Variants in MADD observed in about 807,000 individuals in gnomAD.
MADD encodes the protein MAP kinase activating death domain, also known as MAP kinase-activating death domain protein.
A neutral mutation model predicts 176.7 loss-of-function variants in MADD; 109 were observed. The ratio of observed to expected loss-of-function variants is 0.62; its 90% CI spans 0.53 to 0.72. MADD has a LOEUF of 0.72. MADD is among the 30% of genes least tolerant of loss of function. The probability of loss-of-function intolerance (pLI) is 0.00; values close to 1 mark genes in which losing one functional copy is unlikely to be tolerated. For missense variants in MADD, 1,914 were observed against 2,045.5 expected (o/e 0.94, Z 1.24); for synonymous variants, 771 against 771.3 (o/e 1.00, Z 0.01).
exon 15 of MADD, chr11:47,286,437 C>A (rs1343524180): frequency 6.2e-7 from 1 of 1,613,178 alleles, no homozygotes; most frequent in Non-Finnish European, 8.5e-7. Flanking sequence ...TGATAGGCAG[C>A]CTCTATCGGA....
chr11:47,295,468 C>T (rs777301034), intron 20 of MADD, 28 bp from the exon 23 acceptor site: 4 of 1,568,866 alleles, frequency 2.5e-6, no homozygotes, highest in Middle Eastern at 1.7e-4. Flanking sequence ...TTGGACACCT[C>T]CCCTAATGTT....
exon 11 of MADD, chr11:47,284,223 C>T: frequency 6.2e-7 from 1 of 1,614,148 alleles, no homozygotes; most frequent in Non-Finnish European, 8.5e-7. Context: ...CTTCTTACTC[C>T]TCCCTTGGTG....
intron 19 of MADD, 131 bp from the exon 22 acceptor site, chr11:47,293,752 G>C: frequency 1.6e-6 from 1 of 630,014 alleles, no homozygotes; most frequent in Non-Finnish European, 2.9e-6. Flanking sequence ...CCTGAGTGGG[G>C]GGTAGTCCTT....
intron 3 of MADD, 74 bp from the exon 4 acceptor site, chr11:47,275,825 G>A (rs2049285583): frequency 7.2e-7 from 1 of 1,382,306 alleles, no homozygotes; most frequent in South Asian, 1.3e-5. Context: ...TAGAGCCTCT[G>A]TGGTGATACT....
Position 47,273,896 on chromosome 11 carries a change from A to G in MADD, c.-19A>G, listed in dbSNP as rs1385912591. 6.2e-7 allele frequency: 1 copy of G among 1,612,244 alleles called. No individual in the cohort carries two copies. The highest frequency in any genetic ancestry group is 8.5e-7 in the Non-Finnish European group (1 of 1,178,346). ...TGGTGCCCTGATGCTTCTCTGAGAT[A>G]AACTGATGAATTGGAACCATGGTGC... On this transcript the variant is annotated 5_prime_UTR_variant, in exon 2 of 33. It adds an upstream start codon to the 5' untranslated region. Coordinates refer to ENST00000402192, the Ensembl canonical transcript of MADD.
intron 27 of MADD, 122 bp downstream of exon 30, chr11:47,315,449 A>C (rs1234791558): frequency 6.9e-6 from 4 of 578,764 alleles, no homozygotes; most frequent in Non-Finnish European, 1.2e-5. Context: ...TTTATCATTA[A>C]ATTATCAGAT....
At chr11:47,317,354 A>T (rs533319656) in intron 27 of MADD, among the ~76,000 whole-genome samples, 14 of 152,346 alleles carry the variant, frequency 9.2e-5, no homozygotes, top group African/African-American at 3.1e-4. Context: ...TTGCTGGGTC[A>T]GAGGGACAAT....
chr11:47,285,398 C>A (rs2059923121), intron 13 of MADD, 53 bp from the exon 14 acceptor site: 17 of 1,610,646 alleles, frequency 1.1e-5, no homozygotes, highest in African/African-American at 2.7e-5. Flanking sequence ...GGCCCATACT[C>A]CCAAGATCAG....
At chr11:47,289,801 G>C in intron 16 of MADD, 66 bp from the exon 18 acceptor site, 1 of 1,560,612 alleles carries the variant, frequency 6.4e-7, no homozygotes, top group Non-Finnish European at 8.8e-7. Context: ...ATCTAGTCTG[G>C]GTGAAAGGTG....
intron 32 of MADD, 29 bp from the exon 37 acceptor site, chr11:47,329,017 C>T (rs780422609): frequency 1.2e-5 from 19 of 1,535,220 alleles, no homozygotes; most frequent in African/African-American, 6.8e-5. Flanking sequence ...GTCTCAGTAT[C>T]GTGATCCGCC....
At chr11:47,323,307 G>GAGGCAGGAAGAACCTGGCA (rs1366319382) in intron 27 of MADD, among the ~76,000 whole-genome samples, 3 of 151,604 alleles carry the variant, frequency 2.0e-5, no homozygotes, top group African/African-American at 7.3e-5. Context: ...TTTGGGGGCT[G>GAGGCAGGAAGAACCTGGCA]AGGCAGGAAG....
At chr11:47,284,796 CAG>C in intron 12 of MADD, 143 bp from the exon 13 acceptor site, 4 of 1,281,954 alleles carry the variant, frequency 3.1e-6, no homozygotes, top group Non-Finnish European at 3.2e-6. Flanking sequence ...TTTGTGGGGA[CAG>C]AGAACGGGTG....
At chr11:47,283,539 C>T (rs1005379973) in intron 10 of MADD, among the ~76,000 whole-genome samples, 2 of 152,066 alleles carry the variant, frequency 1.3e-5, no homozygotes, top group African/African-American at 4.8e-5. Context: ...GTAGCTGGGA[C>T]TACAGGTGCT....
chr11:47,280,800 C>A (rs2055893403), intron 7 of MADD, among the ~76,000 whole-genome samples: 1 of 152,184 alleles, frequency 6.6e-6, no homozygotes, highest in African/African-American at 2.4e-5. Flanking sequence ...CTCCTAACTT[C>A]AGGTGATCCA....
At chr11:47,296,941 AT>A (rs2072905969) in intron 22 of MADD, among the ~76,000 whole-genome samples, 1 of 151,724 alleles carries the variant, frequency 6.6e-6, no homozygotes, top group Admixed American at 6.6e-5. Flanking sequence ...TGCCTGGCTA[AT>A]TTTTTAGTTT....
intron 26 of MADD, 61 bp downstream of exon 29, chr11:47,311,903 T>C: frequency 1.9e-6 from 2 of 1,044,612 alleles, no homozygotes; most frequent in South Asian, 1.3e-5. Context: ...TTGTGTCACT[T>C]GCAGTCCAGT....
chr11:47,286,793 G>A (rs1272157013), intron 15 of MADD, among the ~76,000 whole-genome samples: 1 of 152,198 alleles, frequency 6.6e-6, no homozygotes, highest in East Asian at 1.9e-4. Flanking sequence ...GGAGGACCCT[G>A]TCAGGGTATA....
At position 47,319,616 on chromosome 11, in the gene MADD, A is replaced by G. The variant is rs373914385; in HGVS notation, c.4198-4055A>G. The stretch of plus-strand genomic sequence containing the variant: ...AGTTTTATGTGACTCCTTTCAGATT[A>G]TTGAAAATGCATATTTGTGCAAATA... On this transcript the variant is annotated intron_variant, in intron 27 of 32. Transcript: ENST00000402192. 7.2e-5 allele frequency among the ~76,000 whole-genome samples: 11 copies of G among 152,222 alleles called. No homozygotes were observed. The East Asian group carries it at 1.2e-3, about 16-fold the overall frequency.
exon 3 of MADD, chr11:47,274,606 C>T (rs759609417): frequency 5.0e-6 from 8 of 1,613,962 alleles, no homozygotes; most frequent in African/African-American, 4.0e-5. Flanking sequence ...TGAATTGCTA[C>T]GGCGATACCC....
Sources: gnomAD v4.1 joint callset for allele counts (sites outside exome capture counted in the v4.1 genomes callset) on GRCh38, gnomAD v4.1.1 for gene constraint, MANE v1.5 for transcripts, NCBI Gene and HGNC (gene_info 2026-07-23, HGNC 2026-07-21) for gene names.